Variants in IMMP2L observed in about 807,000 individuals in gnomAD.
IMMP2L encodes the protein mitochondrial inner membrane protease subunit 2.
Under a neutral mutation model 19.3 loss-of-function variants are expected in IMMP2L, and 18 were observed. That is an observed-to-expected ratio of 0.93 (90% CI 0.64 to 1.38). IMMP2L has a LOEUF of 1.38. Ranked by LOEUF, IMMP2L falls within the 40% of genes most tolerant of loss-of-function variation. IMMP2L has a pLI of 0.00. For synonymous variants in IMMP2L, 76 were observed against 73.0 expected (o/e 1.04, Z -0.21); for missense variants, 233 against 218.2 (o/e 1.07, Z -0.43).
intron 5 of IMMP2L, among the ~76,000 whole-genome samples, chr7:110,746,835 T>C (rs1797377644): frequency 6.6e-6 from 1 of 151,954 alleles, no homozygotes; most frequent in Admixed American, 6.6e-5. Context: ...ACATCACAAT[T>C]GAAAGAACTA....
In IMMP2L at chr7:110,730,555, G is replaced by C. The variant is rs545209768; in HGVS notation, c.409-66834C>G. ...TTCTTTTTTTTTTTTTTGAGACGGA[G>C]TCTCGCTCTGTTGCCCAGGCTGGAG... On this transcript the variant is annotated intron_variant, in intron 5 of 5. Coordinates refer to ENST00000405709, the MANE Select transcript of IMMP2L (RefSeq NM_032549.4). 4.0e-5 allele frequency among the ~76,000 whole-genome samples: 6 copies of C among 150,012 alleles called. No individual in the cohort carries two copies. The East Asian group carries it at 9.8e-4, about 25-fold the overall frequency.
At chr7:111,450,305 A>C (rs1838994247) in intron 3 of IMMP2L, among the ~76,000 whole-genome samples, 3 of 151,780 alleles carry the variant, frequency 2.0e-5, no homozygotes, top group Admixed American at 2.0e-4. Context: ...ACATGACTTC[A>C]AACTATACTA....
chr7:111,079,554 G>A (rs558726487), intron 3 of IMMP2L, among the ~76,000 whole-genome samples: 2 of 152,286 alleles, frequency 1.3e-5, no homozygotes, highest in Admixed American at 6.5e-5. Context: ...TTAAGACAAT[G>A]TCCCAAATCG....
chr7:111,271,537 G>A (rs1818470391), intron 3 of IMMP2L, among the ~76,000 whole-genome samples: 1 of 152,066 alleles, frequency 6.6e-6, no homozygotes, highest in Non-Finnish European at 1.5e-5. Context: ...CAGATTGTTG[G>A]GCCTCACATT....
chr7:110,754,078 C>A (rs1441223291), intron 5 of IMMP2L, among the ~76,000 whole-genome samples: 1 of 151,870 alleles, frequency 6.6e-6, no homozygotes, highest in Non-Finnish European at 1.5e-5. Flanking sequence ...TTTTTCCTGT[C>A]CTCTTTTCAA....
chr7:111,089,871 G>GTAT (rs34282091), intron 3 of IMMP2L, among the ~76,000 whole-genome samples: 4,702 of 151,432 alleles, frequency 0.031, 252 homozygotes, highest in African/African-American at 0.11. Flanking sequence ...ATTTTTCCTG[G>GTAT]TATTATTATT....
intron 5 of IMMP2L, among the ~76,000 whole-genome samples, chr7:110,741,990 A>T (rs548979101): frequency 6.6e-6 from 1 of 152,294 alleles, no homozygotes; most frequent in South Asian, 2.1e-4. Flanking sequence ...TCCCTAGTCT[A>T]TTGAGGGAAA....
intron 4 of IMMP2L, among the ~76,000 whole-genome samples, chr7:110,929,196 AT>A (rs1815205030): frequency 1.3e-5 from 2 of 152,170 alleles, no homozygotes; most frequent in Admixed American, 1.3e-4. Context: ...TTTACTGGGA[AT>A]AAATGTAGTA....
intron 5 of IMMP2L, among the ~76,000 whole-genome samples, chr7:110,843,947 G>T (rs970647730): frequency 6.6e-6 from 1 of 152,168 alleles, no homozygotes; most frequent in African/African-American, 2.4e-5. Context: ...GGGATAGGAG[G>T]AAGGGGCTGG....
intron 3 of IMMP2L, among the ~76,000 whole-genome samples, chr7:110,986,538 G>A (rs1291978264): frequency 3.3e-5 from 5 of 152,114 alleles, no homozygotes; most frequent in Non-Finnish European, 5.9e-5. Context: ...CAGTTTTGAG[G>A]CTTCCCAGGT....
chr7:111,352,524 A>G (rs1033196998), intron 3 of IMMP2L, among the ~76,000 whole-genome samples: 2 of 152,000 alleles, frequency 1.3e-5, no homozygotes, highest in African/African-American at 2.4e-5. Flanking sequence ...GTTTTCTGCA[A>G]TAGAACTTAC....
intron 5 of IMMP2L, among the ~76,000 whole-genome samples, chr7:110,778,165 CAG>C (rs1799517968): frequency 6.6e-6 from 1 of 151,704 alleles, no homozygotes; most frequent in African/African-American, 2.4e-5. Context: ...ATCTAATGGA[CAG>C]AGAGTCTAGA....
intron 3 of IMMP2L, among the ~76,000 whole-genome samples, chr7:111,444,585 T>C (rs1838107642): frequency 6.6e-6 from 1 of 152,170 alleles, no homozygotes; most frequent in South Asian, 2.1e-4. Context: ...ATTTTTTACT[T>C]TTCTTCATTC....
chr7:111,066,396 T>C (rs1356899126), intron 3 of IMMP2L, among the ~76,000 whole-genome samples: 1 of 152,056 alleles, frequency 6.6e-6, no homozygotes, highest in Non-Finnish European at 1.5e-5. Context: ...AGGAATGAAA[T>C]TTTAAAATAT....
intron 1 of IMMP2L, among the ~76,000 whole-genome samples, chr7:111,548,806 T>TC: frequency 6.6e-6 from 1 of 152,290 alleles, no homozygotes; most frequent in East Asian, 1.9e-4. Flanking sequence ...CAAGAATCTT[T>TC]CCATCTAATT....
intron 2 of IMMP2L, among the ~76,000 whole-genome samples, chr7:111,513,246 G>C (rs1408878338): frequency 1.3e-5 from 2 of 151,910 alleles, no homozygotes; most frequent in Non-Finnish European, 2.9e-5. Context: ...TAAAATATAA[G>C]GTACACAAAC....
chr7:110,822,300 C>T (rs1293548905), intron 5 of IMMP2L, among the ~76,000 whole-genome samples: 2 of 152,092 alleles, frequency 1.3e-5, no homozygotes, highest in Non-Finnish European at 2.9e-5. Context: ...CATTGTGCTG[C>T]TTAATGTCTT....
At chr7:111,094,640 A>C (rs1338137096) in intron 3 of IMMP2L, among the ~76,000 whole-genome samples, 1 of 152,194 alleles carries the variant, frequency 6.6e-6, no homozygotes, top group Non-Finnish European at 1.5e-5. Flanking sequence ...ATGAGTACTT[A>C]GGAAAGCTTC....
intron 3 of IMMP2L, among the ~76,000 whole-genome samples, chr7:111,023,936 G>C (rs1242858035): frequency 6.6e-6 from 1 of 152,152 alleles, no homozygotes. Flanking sequence ...AGAAATAGGT[G>C]AATAGTCCAG....
Sources: gnomAD v4.1 joint callset for allele counts (sites outside exome capture counted in the v4.1 genomes callset) on GRCh38, gnomAD v4.1.1 for gene constraint, MANE v1.5 for transcripts, NCBI Gene and HGNC (gene_info 2026-07-23, HGNC 2026-07-21) for gene names.